LGSN: variants seen among roughly 807,000 people sequenced by gnomAD.
LGSN encodes the protein lengsin.
In LGSN, 21 loss-of-function variants were observed where a neutral mutation model predicts 19.5. That is an observed-to-expected ratio of 1.07 (90% confidence interval 0.76 to 1.55). LGSN has a LOEUF of 1.55. Among genes scored for constraint, LGSN ranks in the 40% most tolerant of loss-of-function variants. LGSN has a pLI of 0.00. For synonymous variants in LGSN, 257 were observed against 215.6 expected (o/e 1.19, Z -1.68); for missense variants, 673 against 608.5 (o/e 1.11, Z -1.12).
intron 1 of LGSN, among the ~76,000 whole-genome samples, chr6:63,313,428 T>C (rs1257203924): frequency 6.6e-6 from 1 of 152,068 alleles, no homozygotes; most frequent in East Asian, 1.9e-4. Flanking sequence ...AAATATGAAA[T>C]ACAACTCAAA....
intron 2 of LGSN, chr6:63,293,947 T>G: frequency 2.8e-6 from 1 of 358,928 alleles, no homozygotes; most frequent in Non-Finnish European, 5.5e-6. Context: ...GAGAAAATAG[T>G]ATATTTCTAG....
At chr6:63,303,032 G>A (rs1412395703) in intron 1 of LGSN, among the ~76,000 whole-genome samples, 1 of 152,156 alleles carries the variant, frequency 6.6e-6, no homozygotes, top group Non-Finnish European at 1.5e-5. Context: ...GGAAGCTGAG[G>A]CAGGAGAATC....
chr6:63,283,764 G>A (rs530660569), intron 3 of LGSN, among the ~76,000 whole-genome samples: 2 of 151,998 alleles, frequency 1.3e-5, no homozygotes, highest in South Asian at 2.1e-4. Flanking sequence ...GCAATGGCGC[G>A]ATCTCGGCTC....
the LGSN span, among the ~76,000 whole-genome samples, chr6:63,371,668 A>G: frequency 6.6e-6 from 1 of 152,224 alleles, no homozygotes; most frequent in Non-Finnish European, 1.5e-5. Context: ...AATGAGAACC[A>G]GCAGTCAAAA....
the LGSN span, among the ~76,000 whole-genome samples, chr6:63,520,929 T>C: frequency 1.3e-5 from 2 of 152,140 alleles, no homozygotes; most frequent in Admixed American, 6.5e-5. Flanking sequence ...TCATGTCCTT[T>C]GCAGGGACAT....
the LGSN span, among the ~76,000 whole-genome samples, chr6:63,478,906 T>G: frequency 6.6e-6 from 1 of 152,188 alleles, no homozygotes; most frequent in Non-Finnish European, 1.5e-5. Context: ...TATTCCAAGG[T>G]TTACAACCTT....
chr6:63,353,533 C>G, the LGSN span, among the ~76,000 whole-genome samples: 1 of 146,808 alleles, frequency 6.8e-6, no homozygotes, highest in Admixed American at 6.9e-5. Flanking sequence ...GAAATTTTTC[C>G]TACTTCATTA....
chr6:63,505,631 A>AAG, the LGSN span, among the ~76,000 whole-genome samples: 1 of 99,294 alleles, frequency 1.0e-5, no homozygotes, highest in Non-Finnish European at 2.3e-5. Context: ...GAAAGAAAGA[A>AAG]AGAAATTCTG....
the LGSN span, among the ~76,000 whole-genome samples, chr6:63,412,006 C>T: frequency 3.3e-5 from 5 of 152,022 alleles, no homozygotes; most frequent in Non-Finnish European, 5.9e-5. Context: ...GTTTTTATTT[C>T]TTCTTATACT....
upstream of LGSN, among the ~76,000 whole-genome samples, chr6:63,323,199 C>A (rs767854478): frequency 3.3e-5 from 5 of 151,988 alleles, no homozygotes; most frequent in Admixed American, 1.3e-4. Context: ...AAAATTATTC[C>A]AAAACAGCCC....
At chr6:63,429,202 T>C in the LGSN span, among the ~76,000 whole-genome samples, 16 of 152,226 alleles carry the variant, frequency 1.1e-4, no homozygotes, top group South Asian at 2.7e-3. Context: ...TTAGTAACAA[T>C]AAGGTATTTG....
chr6:63,552,851 G>A, the LGSN span, among the ~76,000 whole-genome samples: 1 of 152,190 alleles, frequency 6.6e-6, no homozygotes, highest in Non-Finnish European at 1.5e-5. Flanking sequence ...TTGTAGATGT[G>A]TGGTATTATT....
At chr6:63,459,254 C>T in the LGSN span, among the ~76,000 whole-genome samples, 4 of 152,014 alleles carry the variant, frequency 2.6e-5, no homozygotes, top group South Asian at 2.1e-4. Flanking sequence ...TTTTTTATGC[C>T]GTTTAACTGA....
intron 2 of LGSN, among the ~76,000 whole-genome samples, chr6:63,289,391 A>G (rs1473060497): frequency 6.6e-6 from 1 of 152,190 alleles, no homozygotes; most frequent in Non-Finnish European, 1.5e-5. Context: ...ATTTTCTTCA[A>G]TAAATCATAC....
the LGSN span, among the ~76,000 whole-genome samples, chr6:63,442,143 T>C: frequency 6.6e-6 from 1 of 151,694 alleles, no homozygotes; most frequent in Non-Finnish European, 1.5e-5. Context: ...CCGGAGTTGT[T>C]GGTCCCTCCC....
At chr6:63,473,221 C>T in the LGSN span, among the ~76,000 whole-genome samples, 1 of 151,794 alleles carries the variant, frequency 6.6e-6, no homozygotes, top group African/African-American at 2.4e-5. Flanking sequence ...ACCTGTAATC[C>T]CAGCACTTTG....
chr6:63,519,268 T>C, the LGSN span, among the ~76,000 whole-genome samples: 5 of 151,856 alleles, frequency 3.3e-5, no homozygotes, highest in Non-Finnish European at 7.4e-5. Flanking sequence ...GATCACACCA[T>C]TGCACTCCAG....
chr6:63,364,155 C>T, the LGSN span, among the ~76,000 whole-genome samples: 8 of 151,988 alleles, frequency 5.3e-5, no homozygotes, highest in African/African-American at 1.9e-4. Context: ...AGAGTCAAGA[C>T]CCATCAGTGT....
chr6:63,409,981 G>A, the LGSN span, among the ~76,000 whole-genome samples: 2 of 152,110 alleles, frequency 1.3e-5, no homozygotes, highest in African/African-American at 4.8e-5. Flanking sequence ...AGGTTGCAGT[G>A]AGCCAAGATA....
Sources: gnomAD v4.1 joint callset for allele counts (sites outside exome capture counted in the v4.1 genomes callset) on GRCh38, gnomAD v4.1.1 for gene constraint, MANE v1.5 for transcripts, NCBI Gene and HGNC (gene_info 2026-07-23, HGNC 2026-07-21) for gene names.